ELOC: variants seen among roughly 807,000 people sequenced by gnomAD.
ELOC encodes the protein elongin C.
For synonymous variants in ELOC, 40 were observed against 51.3 expected (o/e 0.78, Z 0.94); for missense variants, 38 against 139.0 (o/e 0.27, Z 3.65).
rs201996089 is a variant in ELOC, at chr8:73,946,682, G to C, written c.287C>G (p.Ala96Gly). The C allele has an allele frequency of 1.5e-4, 235 of 1,611,364 alleles. No individual in the cohort carries two copies. Among genetic ancestry groups the C allele is most frequent in the Non-Finnish European group, 1.9e-4 (220 of 1,179,140 alleles). ...CAGCAGTTCCAGTGCAATTTCAGGTGCAATTGGGAATTCAGGAATCTCGGT... is the reference window on the plus strand; with the variant it reads ...CAGCAGTTCCAGTGCAATTTCAGGTCCAATTGGGAATTCAGGAATCTCGGT... ...SSTEIPEFPIAPEIALELLMA... is the reference protein window; with the variant it reads ...SSTEIPEFPIGPEIALELLMA... The change falls in exon 4 of 4, where the codon GCA (alanine) becomes GGA (glycine). Residue 96 changes from alanine to glycine, a missense_variant. Transcript: ENST00000520242.
Position 73,946,027 on chromosome 8 carries a change from C to T in ELOC, c.*603G>A, listed in dbSNP as rs1813358985. 1 of 151,322 alleles carries T rather than the reference C, an allele frequency of 6.6e-6. No homozygotes were observed. The highest frequency in any genetic ancestry group is 1.5e-5 in the Non-Finnish European group (1 of 68,022). 9.4% of individuals were successfully genotyped at this position (151,322 alleles called of 1,614,324 possible). ...TCAGTTTCTTCTGCAAAAGCTGTAC[C>T]TAGTAACCTTCCAAAATTGTTTTTA... On this transcript the variant is annotated 3_prime_UTR_variant, in exon 4 of 4. Coordinates refer to ENST00000520242, the MANE Select transcript of ELOC (RefSeq NM_005648.4).
At chr8:73,953,813 A>G (rs960884911) in intron 3 of ELOC, among the ~76,000 whole-genome samples, 1 of 152,210 alleles carries the variant, frequency 6.6e-6, no homozygotes, top group Non-Finnish European at 1.5e-5. Flanking sequence ...GAGAATTGTC[A>G]TATGATCAAG....
In ELOC at chr8:73,954,651, C is replaced by CA. The variant is rs547357092; in HGVS notation, c.148+1259dup. Among the ~76,000 whole-genome samples the CA allele has an allele frequency of 4.2e-3, 444 of 106,390 alleles. 1 individual carries two copies. The highest frequency in any genetic ancestry group is 0.012 in the African/African-American group (314 of 26,686). The allele number at this position is 106,390 out of a possible 152,430, so 69.8% of individuals were successfully genotyped here. A position where few individuals can be genotyped will look rare whatever the true frequency, so the allele number is the denominator to read the frequency against. ...TGGGCGGCAGAGCAAGACTCCGTCT[C>CA]AAAAAAAAAAAAAAAAGAATAGAGA... On this transcript the variant is annotated intron_variant, in intron 3 of 3. Transcript: ENST00000520242.
At chr8:73,958,707 A>C (rs1814378584) in intron 2 of ELOC, among the ~76,000 whole-genome samples, 1 of 152,226 alleles carries the variant, frequency 6.6e-6, no homozygotes, top group Non-Finnish European at 1.5e-5. Context: ...TATGTTTGTC[A>C]GGAGAGTTTC....
chr8:73,970,638 C>T (rs1378143818), intron 1 of ELOC: 1 of 152,086 alleles, frequency 6.6e-6, no homozygotes, highest in African/African-American at 2.4e-5. Flanking sequence ...TAAACTGCTA[C>T]GTTTCAACAT....
intron 1 of ELOC, 125 bp from the exon 2 acceptor site, chr8:73,959,943 C>T (rs936526912): frequency 2.3e-6 from 1 of 433,966 alleles, no homozygotes; most frequent in African/African-American, 2.0e-5. Context: ...TACGAGCTCA[C>T]CATTCCTACA....
intron 3 of ELOC, among the ~76,000 whole-genome samples, chr8:73,947,428 G>T (rs1813451567): frequency 6.6e-6 from 1 of 152,158 alleles, no homozygotes; most frequent in African/African-American, 2.4e-5. Context: ...CTACACTCCA[G>T]AATTGTGAGA....
intron 1 of ELOC, among the ~76,000 whole-genome samples, chr8:73,965,782 C>G (rs1005921876): frequency 5.3e-5 from 8 of 152,148 alleles, no homozygotes; most frequent in African/African-American, 1.9e-4. Context: ...GGTTTTCTGC[C>G]TAATTAAGCT....
At chr8:73,964,372 T>C (rs1415773910) in intron 1 of ELOC, 2 of 151,724 alleles carry the variant, frequency 1.3e-5, no homozygotes, top group Non-Finnish European at 2.9e-5. Context: ...ACAATATCCA[T>C]ATGGATAAGA....
At chr8:73,949,327 C>A (rs1377843928) in intron 3 of ELOC, among the ~76,000 whole-genome samples, 3 of 152,018 alleles carry the variant, frequency 2.0e-5, no homozygotes. Flanking sequence ...TAAATACATG[C>A]CTGAAAATAT....
At chr8:73,972,267 T>C (rs1815473670), upstream of ELOC, 1 of 152,180 alleles carries the variant, frequency 6.6e-6, no homozygotes. Flanking sequence ...GGACGCAGAG[T>C]GTGTCGCTCA....
chr8:73,952,101 A>C (rs377354612), intron 3 of ELOC, among the ~76,000 whole-genome samples: 2 of 152,336 alleles, frequency 1.3e-5, no homozygotes, highest in African/African-American at 4.8e-5. Flanking sequence ...TTGACAACAG[A>C]TTCTTATATA....
chr8:73,954,758 G>A (rs368775690), intron 3 of ELOC, among the ~76,000 whole-genome samples: 1 of 151,570 alleles, frequency 6.6e-6, no homozygotes, highest in Non-Finnish European at 1.5e-5. Flanking sequence ...TGGGCCGGGC[G>A]CAGTGGCTCA....
chr8:73,963,383 C>T (rs1344106552), intron 1 of ELOC, among the ~76,000 whole-genome samples: 1 of 152,074 alleles, frequency 6.6e-6, no homozygotes, highest in East Asian at 1.9e-4. Context: ...ATTTTGTTCT[C>T]ACATGTTTCT....
At chr8:73,970,874 A>C (rs537678056) in intron 1 of ELOC, among the ~76,000 whole-genome samples, 26 of 150,234 alleles carry the variant, frequency 1.7e-4, no homozygotes, top group East Asian at 5.9e-4. Flanking sequence ...CAAAACAAAA[A>C]AAAAACAAAA....
chr8:73,962,109 T>C (rs1444126844), intron 1 of ELOC, among the ~76,000 whole-genome samples: 3 of 152,144 alleles, frequency 2.0e-5, no homozygotes, highest in Non-Finnish European at 4.4e-5. Flanking sequence ...TTGGCCAGGC[T>C]GGTCTTGAGC....
chr8:73,963,244 T>C (rs1019691050), intron 1 of ELOC, among the ~76,000 whole-genome samples: 4 of 152,214 alleles, frequency 2.6e-5, no homozygotes, highest in African/African-American at 9.6e-5. Context: ...TTGAATCTAG[T>C]ATCAGTGAAT....
chr8:73,957,285 G>A (rs1814258852), intron 2 of ELOC, among the ~76,000 whole-genome samples: 1 of 152,022 alleles, frequency 6.6e-6, no homozygotes. Flanking sequence ...CTGACATGAG[G>A]AGACAGAGTG....
At chr8:73,959,681 T>C (rs1814460878) in intron 2 of ELOC, 84 bp downstream of exon 2, 7 of 1,220,016 alleles carry the variant, frequency 5.7e-6, no homozygotes, top group African/African-American at 1.5e-5. Context: ...GAAATTTTAC[T>C]TGTGTTCACT....
Sources: allele counts gnomAD v4.1 joint callset (sites outside exome capture counted in the v4.1 genomes callset), GRCh38; gene constraint gnomAD v4.1.1; transcripts MANE v1.5; gene names NCBI Gene and HGNC (gene_info 2026-07-23, HGNC 2026-07-21).